The following DDX46 variants were observed in gnomAD, a reference collection of about 807,000 sequenced individuals.
DDX46 encodes DEAD-box helicase 46.
In DDX46, 30 loss-of-function variants were observed where a neutral mutation model predicts 134.9. That is an observed-to-expected ratio of 0.22 (90% CI 0.17 to 0.30). The LOEUF (loss-of-function observed/expected upper bound fraction) is 0.30. Ranked by LOEUF, DDX46 falls within the 10% of genes least tolerant of loss-of-function variation. The probability of loss-of-function intolerance (pLI) is 1.00; values close to 1 mark genes in which losing one functional copy is unlikely to be tolerated. For missense variants in DDX46, 622 were observed against 1,248.7 expected, an observed-to-expected ratio of 0.50 and a Z score of 7.56; for synonymous variants, 415 against 404.1, an observed-to-expected ratio of 1.03 and a Z score of -0.32.
intron 19 of DDX46, 71 bp downstream of exon 19, chr5:134,816,677 G>A: frequency 6.9e-7 from 1 of 1,447,334 alleles, no homozygotes; most frequent in Non-Finnish European, 9.4e-7. Flanking sequence ...CAGGAATTAT[G>A]TTGAACACAA....
intron 3 of DDX46, among the ~76,000 whole-genome samples, chr5:134,767,689 G>T (rs1366542673): frequency 2.0e-5 from 3 of 151,594 alleles, no homozygotes; most frequent in Non-Finnish European, 4.4e-5. Context: ...GGTGGCTGAC[G>T]CCTGTAATCC....
chr5:134,794,361 G>A (rs1313375282), intron 13 of DDX46, among the ~76,000 whole-genome samples: 1 of 152,150 alleles, frequency 6.6e-6, no homozygotes, highest in African/African-American at 2.4e-5. Context: ...CCTTCTGTAG[G>A]CTCCAGAGTT....
At chr5:134,776,976 G>A (rs1404165350) in intron 5 of DDX46, among the ~76,000 whole-genome samples, 2 of 151,248 alleles carry the variant, frequency 1.3e-5, no homozygotes. Context: ...ACTTTGGGAG[G>A]CCGAGGCGGG....
chr5:134,809,655 A>G (rs1755085102), intron 16 of DDX46, among the ~76,000 whole-genome samples: 2 of 151,918 alleles, frequency 1.3e-5, no homozygotes, highest in South Asian at 4.2e-4. Context: ...GATTACAGGC[A>G]TGAGCCACTG....
rs1381287889 is a variant in DDX46, at chr5:134,791,149, A to G, written c.1626+597A>G. Among the ~76,000 whole-genome samples, 5 of 152,326 alleles carry G rather than the reference A, an allele frequency of 3.3e-5. No individual in the cohort carries two copies. In the East Asian group the frequency reaches 7.7e-4, roughly 23 times the overall value. On this transcript the variant is annotated intron_variant, in intron 13 of 22. Coordinates refer to ENST00000452510, the MANE Select transcript of DDX46 (RefSeq NM_001300860.2). The stretch of plus-strand genomic sequence containing the variant: ...CTTTTTAAATAAATTCTTTTAATTC[A>G]TGCTTTTAGATACCTCATTATCTAG...
At chr5:134,809,935 C>T (rs866371552) in intron 16 of DDX46, among the ~76,000 whole-genome samples, 2 of 152,100 alleles carry the variant, frequency 1.3e-5, no homozygotes, top group African/African-American at 2.4e-5. Flanking sequence ...ATAGCTTGAA[C>T]CCGGGAGGCA....
Position 134,763,907 on chromosome 5 carries a change from C to G in DDX46, c.21C>G (p.His7Gln). Residue 7 changes from histidine (H) to glutamine (Q), a missense_variant, in exon 2 of 23, where the codon CAC becomes CAG. This residue lies in a region of DDX46 where 244 missense variants were observed against 349.3 expected (regional missense o/e 0.70). Coordinates refer to ENST00000452510, the MANE Select transcript of DDX46 (RefSeq NM_001300860.2). MGRESR[H>Q]YRKRSASRGR... ...AATCTTTGACTTATTGTTCTAGCCA[C>G]TATCGAAAACGATCGGCATCCCGGG... 1 of 1,613,722 alleles carries G rather than the reference C, an allele frequency of 6.2e-7. No individual in the cohort carries two copies. Among genetic ancestry groups the G allele is most frequent in the Non-Finnish European group, 8.5e-7 (1 of 1,179,808 alleles).
At chr5:134,802,875 C>T (rs561601935) in intron 15 of DDX46, among the ~76,000 whole-genome samples, 35 of 152,182 alleles carry the variant, frequency 2.3e-4, no homozygotes, top group African/African-American at 7.7e-4. Flanking sequence ...CTGATGTCCC[C>T]GTCAAGTGGT....
chr5:134,811,146 C>A, intron 16 of DDX46, 75 bp from the exon 17 acceptor site: 1 of 1,300,100 alleles, frequency 7.7e-7, no homozygotes, highest in Non-Finnish European at 1.0e-6. Flanking sequence ...TTAGGTGGAT[C>A]AGATTTTATC....
At chr5:134,803,918 CTTTTT>C (rs201944776) in intron 15 of DDX46, among the ~76,000 whole-genome samples, 322 of 94,898 alleles carry the variant, frequency 3.4e-3, no homozygotes, top group African/African-American at 0.012. Context: ...GATGATTCTT[CTTTTT>C]TTTTTTTTTT....
intron 3 of DDX46, among the ~76,000 whole-genome samples, chr5:134,770,174 G>A (rs1455528117): frequency 6.6e-6 from 1 of 150,990 alleles, no homozygotes; most frequent in Non-Finnish European, 1.5e-5. Context: ...TGAGCTTACA[G>A]GCATGAGCCA....
chr5:134,815,490 C>T (rs534011967), intron 18 of DDX46, among the ~76,000 whole-genome samples: 21 of 151,966 alleles, frequency 1.4e-4, no homozygotes, highest in East Asian at 7.7e-4. Flanking sequence ...GGGCGGATCA[C>T]GAGGTCAGGA....
chr5:134,786,573 G>A (rs527718201), intron 11 of DDX46, among the ~76,000 whole-genome samples: 86 of 152,200 alleles, frequency 5.7e-4, no homozygotes, highest in African/African-American at 1.9e-3. Flanking sequence ...GGCCAGGCAC[G>A]GTGGCTCATG....
At position 134,830,847 on chromosome 5, in the gene DDX46, C is replaced by T. The variant is rs1188101382; in HGVS notation, c.*2141C>T. 6.6e-6 allele frequency: 1 copy of T among 152,544 alleles called. No homozygotes were observed. The highest frequency in any genetic ancestry group is 1.9e-4 in the East Asian group (1 of 5,196). The allele number at this position is 152,544 out of a possible 1,614,324, so 9.4% of individuals were successfully genotyped here. On this transcript the variant is annotated 3_prime_UTR_variant, in exon 23 of 23. Coordinates refer to ENST00000452510, the MANE Select transcript of DDX46 (RefSeq NM_001300860.2). ...TTTCTTTGGTAGAGTATATGGCAGT[C>T]CCACATCGATGATAATTGGTGCTCC...
intron 1 of DDX46, among the ~76,000 whole-genome samples, chr5:134,762,442 A>G (rs1322700470): frequency 6.6e-6 from 1 of 151,866 alleles, no homozygotes; most frequent in Non-Finnish European, 1.5e-5. Flanking sequence ...AAAAAATGAT[A>G]AAAAGGCTGC....
intron 18 of DDX46, among the ~76,000 whole-genome samples, chr5:134,815,849 A>G (rs1397118907): frequency 6.6e-6 from 1 of 152,060 alleles, no homozygotes; most frequent in African/African-American, 2.4e-5. Context: ...TCAAAGGAAT[A>G]AGGGAATAAG....
chr5:134,806,262 G>A (rs1754983708), intron 15 of DDX46, among the ~76,000 whole-genome samples: 1 of 151,860 alleles, frequency 6.6e-6, no homozygotes, highest in African/African-American at 2.4e-5. Context: ...GAGAAGGGCT[G>A]GTTTACACCA....
intron 19 of DDX46, chr5:134,816,873 T>A (rs1755299929): frequency 2.9e-6 from 1 of 342,708 alleles, no homozygotes; most frequent in Admixed American, 4.8e-5. Context: ...CTTAACAAAA[T>A]CTTAAAGATG....
chr5:134,788,678 GTTTCTATATTTCT>G, intron 12 of DDX46, 87 bp downstream of exon 12: 1 of 1,208,784 alleles, frequency 8.3e-7, no homozygotes, highest in Non-Finnish European at 1.2e-6. Context: ...CCAACAAAGG[GTTTCTATATTTCT>G]TCTTAAAGCT....
Sources: gnomAD v4.1 joint callset for allele counts (sites outside exome capture counted in the v4.1 genomes callset) on GRCh38, gnomAD v4.1.1 for gene constraint, gnomAD v4.1.1 regional missense constraint, MANE v1.5 for transcripts, NCBI Gene and HGNC (gene_info 2026-07-23, HGNC 2026-07-21) for gene names.